Variants in TMEM132C observed in about 807,000 individuals in gnomAD.
TMEM132C encodes protein phosphatase 1, regulatory subunit 152.
TMEM132C carries 29 observed loss-of-function variants against 61.4 expected under a neutral mutation model. The observed-to-expected ratio is 0.47, with a 90% CI of 0.35 to 0.64. The LOEUF (loss-of-function observed/expected upper bound fraction) is 0.64. Ranked by LOEUF, TMEM132C falls within the 30% of genes least tolerant of loss-of-function variation. TMEM132C has a pLI of 0.00. For synonymous variants in TMEM132C, 656 were observed against 633.1 expected (o/e 1.04, Z -0.54); for missense variants, 1,408 against 1,476.9 (o/e 0.95, Z 0.76).
chr12:128,415,746 C>A lies in TMEM132C; in HGVS notation c.974+126C>A, dbSNP rs1868760448. On this transcript the variant is annotated intron_variant, in intron 2 of 8. Coordinates refer to ENST00000435159, the MANE Select transcript of TMEM132C (RefSeq NM_001136103.3). This position sits in a 1 kb window ranked among gnomAD's most constrained non-coding sequence, Gnocchi z 5.8. ...ACCTTCAGGGACCGTTTGGCATTAA[C>A]AGGGGAAGGCAAATTATGCACCTGC... The A allele has an allele frequency of 3.6e-6, 4 of 1,115,410 alleles. No homozygotes were observed. The African/African-American group carries it at 6.3e-5, about 18-fold the overall frequency. 69.1% of individuals were successfully genotyped at this position (1,115,410 alleles called of 1,614,324 possible).
chr12:128,582,570 A>G (rs1242177921), intron 3 of TMEM132C, among the ~76,000 whole-genome samples: 3 of 152,034 alleles, frequency 2.0e-5, no homozygotes, highest in South Asian at 2.1e-4. Flanking sequence ...TCATGGGGGC[A>G]GTTTCCCCCA....
At chr12:128,345,762 T>G (rs1359098018) in intron 1 of TMEM132C, among the ~76,000 whole-genome samples, 3 of 152,142 alleles carry the variant, frequency 2.0e-5, no homozygotes, top group Admixed American at 1.3e-4. Flanking sequence ...AATGGGGTTG[T>G]TTGTTTTTTT....
At chr12:128,566,590 C>A in intron 3 of TMEM132C, among the ~76,000 whole-genome samples, 1 of 152,140 alleles carries the variant, frequency 6.6e-6, no homozygotes, top group East Asian at 1.9e-4. Flanking sequence ...TGACATAAAA[C>A]GCCCATGAAA....
At chr12:128,349,762 G>A (rs1195804481) in intron 1 of TMEM132C, among the ~76,000 whole-genome samples, 1 of 152,090 alleles carries the variant, frequency 6.6e-6, no homozygotes, top group East Asian at 1.9e-4. Context: ...TGGCAGTAAT[G>A]CAAAATTTCC....
Position 128,623,798 on chromosome 12 carries a change from A to G in TMEM132C, c.1305+7463A>G, listed in dbSNP as rs190819382. ...ACTCCAGCCTTGGCGACAGAGCAAG[A>G]TTCTGTCTCAAAAAAAAAAATGATG... On this transcript the variant is annotated intron_variant, in intron 4 of 8. Transcript: ENST00000435159. Among the ~76,000 whole-genome samples the G allele has an allele frequency of 3.1e-3, 467 of 152,052 alleles. 2 individuals are homozygous for G. The highest frequency in any genetic ancestry group is 0.01 in the Middle Eastern group (3 of 294).
intron 1 of TMEM132C, among the ~76,000 whole-genome samples, chr12:128,270,678 A>G (rs529926383): frequency 1.3e-5 from 2 of 152,314 alleles, no homozygotes; most frequent in East Asian, 1.9e-4. Context: ...CTTGTCCTGC[A>G]TACACTTACA....
intron 1 of TMEM132C, among the ~76,000 whole-genome samples, chr12:128,379,100 C>T (rs1257976150): frequency 6.6e-6 from 1 of 152,148 alleles, no homozygotes; most frequent in African/African-American, 2.4e-5. Flanking sequence ...TTATTAGCAG[C>T]GTGAGAACAG....
intron 2 of TMEM132C, among the ~76,000 whole-genome samples, chr12:128,500,578 A>G (rs1367252090): frequency 1.3e-5 from 2 of 152,220 alleles, no homozygotes; most frequent in African/African-American, 2.4e-5. Flanking sequence ...AATGTCCAAT[A>G]TGTATACAAA....
At chr12:128,405,272 T>C (rs1405349373) in intron 1 of TMEM132C, among the ~76,000 whole-genome samples, 1 of 152,166 alleles carries the variant, frequency 6.6e-6, no homozygotes, top group Non-Finnish European at 1.5e-5. Context: ...CAACCACTTA[T>C]GATTCCTTAA....
intron 3 of TMEM132C, among the ~76,000 whole-genome samples, chr12:128,584,019 G>C (rs1875447850): frequency 6.6e-6 from 1 of 152,222 alleles, no homozygotes; most frequent in South Asian, 2.1e-4. Flanking sequence ...CAGGGTGCTG[G>C]CTGTGCATTT....
chr12:128,277,413 A>G lies in TMEM132C; in HGVS notation c.85+9926A>G, dbSNP rs80196672. Among the ~76,000 whole-genome samples the G allele has an allele frequency of 7.8e-3, 1,194 of 152,328 alleles. 19 individuals carry two copies. Among genetic ancestry groups the G allele is most frequent in the African/African-American group, 0.026 (1,070 of 41,572 alleles). ...CAGGCTTATATTCTGTCCACACAGC[A>G]TACTCAACTAAAAGAAAGTGACTTC... On this transcript the variant is annotated intron_variant, in intron 1 of 8. Coordinates refer to ENST00000435159, the MANE Select transcript of TMEM132C (RefSeq NM_001136103.3).
chr12:128,440,861 C>T (rs959992422), intron 2 of TMEM132C, among the ~76,000 whole-genome samples: 1 of 152,090 alleles, frequency 6.6e-6, no homozygotes, highest in Admixed American at 6.5e-5. Flanking sequence ...CCAGCCTGGC[C>T]AACATGGTGA....
chr12:128,271,217 G>A (rs893932705), intron 1 of TMEM132C, among the ~76,000 whole-genome samples: 6 of 151,092 alleles, frequency 4.0e-5, no homozygotes, highest in African/African-American at 1.5e-4. Flanking sequence ...TCATGCCACT[G>A]CACTCCAGCC....
chr12:128,507,613 T>C (rs2136114970), intron 2 of TMEM132C, among the ~76,000 whole-genome samples: 1 of 152,286 alleles, frequency 6.6e-6, no homozygotes, highest in Non-Finnish European at 1.5e-5. Context: ...TTCAGGTTTT[T>C]TCTGGGCTGT....
intron 1 of TMEM132C, among the ~76,000 whole-genome samples, chr12:128,334,979 T>C (rs1329430313): frequency 6.6e-6 from 1 of 152,268 alleles, no homozygotes; most frequent in Non-Finnish European, 1.5e-5. Flanking sequence ...AGTGCACTCA[T>C]ACTTTATTAG....
intron 5 of TMEM132C, among the ~76,000 whole-genome samples, chr12:128,673,047 A>G (rs1331648887): frequency 6.6e-6 from 1 of 152,208 alleles, no homozygotes. Flanking sequence ...GGCCAGTGAC[A>G]CTTGCACATG....
chr12:128,395,778 C>G (rs1434789455), intron 1 of TMEM132C, among the ~76,000 whole-genome samples: 2 of 152,130 alleles, frequency 1.3e-5, no homozygotes, highest in African/African-American at 4.8e-5. Context: ...AAAAATCCTA[C>G]GTTGCAGTAT....
intron 2 of TMEM132C, among the ~76,000 whole-genome samples, chr12:128,536,189 T>C (rs10847637): frequency 0.53 from 81,200 of 152,034 alleles, 22,534 homozygotes; most frequent in Middle Eastern, 0.61. Context: ...GACACATATA[T>C]ACCATGGAAT....
chr12:128,519,040 A>G (rs942404476), intron 2 of TMEM132C, among the ~76,000 whole-genome samples: 1 of 152,222 alleles, frequency 6.6e-6, no homozygotes, highest in Admixed American at 6.5e-5. Context: ...ATTATTATGT[A>G]TAATTTACAT....
Sources: gnomAD v4.1 joint callset for allele counts (sites outside exome capture counted in the v4.1 genomes callset) on GRCh38, gnomAD v4.1.1 for gene constraint, Gnocchi (gnomAD v3.1) non-coding constraint, MANE v1.5 for transcripts, NCBI Gene and HGNC (gene_info 2026-07-23, HGNC 2026-07-21) for gene names.